Variants in ARHGAP6 observed in about 807,000 individuals in gnomAD.
The protein encoded by ARHGAP6 is Rho GTPase activating protein 6.
Under a neutral mutation model 55.7 loss-of-function variants are expected in ARHGAP6, and 16 were observed. The observed-to-expected ratio is 0.29, with a 90% CI of 0.19 to 0.44. The LOEUF (loss-of-function observed/expected upper bound fraction) is 0.44. ARHGAP6 is among the 20% of genes least tolerant of loss of function. The pLI is 1.00. For missense variants in ARHGAP6, 698 were observed against 808.9 expected, an observed-to-expected ratio of 0.86 and a Z score of 1.66; for synonymous variants, 382 against 360.9, an observed-to-expected ratio of 1.06 and a Z score of -0.66.
intron 1 of ARHGAP6, among the ~76,000 whole-genome samples, chrX:11,637,504 T>C (rs2052431338): frequency 9.0e-6 from 1 of 111,601 alleles, no homozygotes; most frequent in African/African-American, 3.2e-5. Context: ...TCTAATAACG[T>C]ATGAAAAGAA....
chrX:11,194,544 A>G (rs1273610131), intron 3 of ARHGAP6, among the ~76,000 whole-genome samples: 1 of 111,509 alleles, frequency 9.0e-6, no homozygotes, highest in African/African-American at 3.3e-5. Flanking sequence ...TCTTTTTTCC[A>G]ATTTGAGATA....
intron 1 of ARHGAP6, among the ~76,000 whole-genome samples, chrX:11,617,702 G>A (rs1427295045): frequency 9.0e-6 from 1 of 111,604 alleles, no homozygotes; most frequent in Non-Finnish European, 1.9e-5. Flanking sequence ...ATTTAGAGGA[G>A]AAGGGGAGAT....
chrX:11,534,959 G>A (rs765261139), intron 1 of ARHGAP6, among the ~76,000 whole-genome samples: 6 of 111,280 alleles, frequency 5.4e-5, no homozygotes, highest in African/African-American at 9.8e-5. Context: ...TGAACAGTGC[G>A]GAGACAGTAT....
chrX:11,258,412 A>G (rs1331983188), intron 1 of ARHGAP6, among the ~76,000 whole-genome samples: 1 of 110,197 alleles, frequency 9.1e-6, no homozygotes, highest in Non-Finnish European at 1.9e-5. Flanking sequence ...GGGGAATGGC[A>G]GAGGGAATTA....
intron 9 of ARHGAP6, among the ~76,000 whole-genome samples, chrX:11,160,389 G>A (rs1392500221): frequency 3.7e-5 from 4 of 108,185 alleles, no homozygotes; most frequent in East Asian, 5.8e-4. Flanking sequence ...TCCGGGAGAC[G>A]GAGCTTGCAG....
intron 3 of ARHGAP6, among the ~76,000 whole-genome samples, chrX:11,195,726 G>A (rs1195715370): frequency 9.2e-6 from 1 of 108,756 alleles, no homozygotes; most frequent in African/African-American, 3.4e-5. Flanking sequence ...TGCTTACCTG[G>A]GTGATGAAAT....
At chrX:11,288,792 A>G (rs2047952644) in intron 1 of ARHGAP6, among the ~76,000 whole-genome samples, 1 of 112,137 alleles carries the variant, frequency 8.9e-6, no homozygotes, top group Non-Finnish European at 1.9e-5. Context: ...ACTGAATGTA[A>G]TGTTTTCAAG....
chrX:11,552,757 A>G (rs1388744540), intron 1 of ARHGAP6, among the ~76,000 whole-genome samples: 12 of 105,867 alleles, frequency 1.1e-4, no homozygotes, highest in Non-Finnish European at 1.7e-4. Flanking sequence ...ATCAATTTAT[A>G]TGTGAAATCT....
chrX:11,507,390 C>G (rs1408323980), intron 1 of ARHGAP6, among the ~76,000 whole-genome samples: 1 of 111,600 alleles, frequency 9.0e-6, no homozygotes, highest in Non-Finnish European at 1.9e-5. Context: ...ATCTCAGTCT[C>G]CGTGTCTTTA....
rs752709786 is a variant in ARHGAP6, at chrX:11,664,243, C to T, written c.586G>A (p.Glu196Lys). Residue 196 changes from glutamate to lysine, a missense_variant and splice_region_variant, in exon 1 of 13, where the codon GAG (glutamate) becomes AAG (lysine). Glu to Lys is a moderately conservative substitution (Grantham distance 56, BLOSUM62 1). Transcript: ENST00000337414. ...GGACGCGCAGCGCTGGTCCCTACCT[C>T]GGATTTCCACACGACGTAGGGGTGC... The part of the protein sequence containing the change: ...RGHPYVVWKS[E>K]GDFTWNSMSG... 1 of 1,202,141 alleles carries T rather than the reference C, an allele frequency of 8.3e-7. No homozygotes were observed. Among genetic ancestry groups the T allele is most frequent in the Non-Finnish European group, 1.1e-6 (1 of 890,086 alleles).
At chrX:11,175,624 A>G (rs1362083958) in intron 8 of ARHGAP6, among the ~76,000 whole-genome samples, 1 of 111,585 alleles carries the variant, frequency 9.0e-6, no homozygotes, top group East Asian at 2.8e-4. Flanking sequence ...AGCGCTCTCA[A>G]CCAGGGGTGA....
At chrX:11,570,287 C>T (rs1436959664) in intron 1 of ARHGAP6, among the ~76,000 whole-genome samples, 1 of 111,675 alleles carries the variant, frequency 9.0e-6, no homozygotes, top group Non-Finnish European at 1.9e-5. Flanking sequence ...GAAGCAAATG[C>T]ATGTTAAAAA....
intron 1 of ARHGAP6, among the ~76,000 whole-genome samples, chrX:11,469,465 A>C (rs1350673300): frequency 3.6e-5 from 4 of 112,279 alleles, no homozygotes; most frequent in Non-Finnish European, 5.6e-5. Flanking sequence ...ACCTACATAG[A>C]TATGTGCATG....
rs1423609796 is a variant in ARHGAP6 at position 11,178,262 on chromosome X, A to G, written c.1481-14T>C. ...CCGGCTCCAACACTAAGCAAGGCAA[A>G]AAGAGGTACTCAAATAAAAGGGGAG... On this transcript the variant is annotated splice_polypyrimidine_tract_variant and intron_variant, in intron 7 of 12. Transcript: ENST00000337414. 1 of 1,193,146 alleles carries G rather than the reference A, an allele frequency of 8.4e-7. No homozygotes were observed.
intron 1 of ARHGAP6, among the ~76,000 whole-genome samples, chrX:11,450,243 T>TGTGTGTGTG (rs1569348942): frequency 1.8e-5 from 2 of 108,953 alleles, no homozygotes; most frequent in African/African-American, 6.7e-5. Flanking sequence ...TGTGTGTGTG[T>TGTGTGTGTG]TCTTTTGCTA....
intron 2 of ARHGAP6, among the ~76,000 whole-genome samples, chrX:11,238,126 A>C (rs2047227601): frequency 8.9e-6 from 1 of 112,418 alleles, no homozygotes. Context: ...AAATGTGAAC[A>C]AAACATTCAC....
At chrX:11,497,787 T>G (rs1452736912) in intron 1 of ARHGAP6, among the ~76,000 whole-genome samples, 1 of 109,956 alleles carries the variant, frequency 9.1e-6, no homozygotes, top group African/African-American at 3.3e-5. Flanking sequence ...TTCATGAAAA[T>G]TTTTCTTCCT....
intron 1 of ARHGAP6, among the ~76,000 whole-genome samples, chrX:11,649,834 T>C (rs2052566344): frequency 9.0e-6 from 1 of 111,547 alleles, no homozygotes. Context: ...ACTAATAGAG[T>C]GTGATCTAAA....
chrX:11,569,587 C>G (rs753361637), intron 1 of ARHGAP6, among the ~76,000 whole-genome samples: 1 of 111,889 alleles, frequency 8.9e-6, no homozygotes, highest in African/African-American at 3.3e-5. Context: ...TGGACCACTG[C>G]GCATTTCCAT....
Sources: gnomAD v4.1 joint callset for allele counts (sites outside exome capture counted in the v4.1 genomes callset) on GRCh38, gnomAD v4.1.1 for gene constraint, MANE v1.5 for transcripts, NCBI Gene and HGNC (gene_info 2026-07-23, HGNC 2026-07-21) for gene names.